Variants in ABHD17C observed in about 807,000 individuals in gnomAD.
The protein encoded by ABHD17C is abhydrolase domain containing 17C, depalmitoylase.
Under a neutral mutation model 27.9 loss-of-function variants are expected in ABHD17C, and 11 were observed. The observed-to-expected ratio is 0.39, with a 90% CI of 0.25 to 0.65. ABHD17C has a LOEUF of 0.65. ABHD17C is among the 30% of genes least tolerant of loss of function. The pLI, the probability that ABHD17C is intolerant of heterozygous loss-of-function variation, is 0.45. For missense variants in ABHD17C, 280 were observed against 470.2 expected (o/e 0.60, Z 3.74); for synonymous variants, 233 against 209.1 (o/e 1.11, Z -0.98).
Position 80,695,885 on chromosome 15 carries a change from C to T in ABHD17C, c.456C>T (p.Tyr152=), listed in dbSNP as rs747783328. ...AVDLGQMCSF[Y]IGLGSRINCN... is the part of the protein sequence containing the mutation. ...ACCTGGGCCAGATGTGCAGCTTCTA[C>T]ATTGGCCTCGGCTCCCGCATCAACT... The change falls in exon 1 of 3, where the codon TAC becomes TAT. Residue 152 remains tyrosine, a synonymous_variant. Transcript: ENST00000258884. This position sits in a 1 kb window ranked among gnomAD's most constrained non-coding sequence, Gnocchi z 4.3. 3.8e-6 allele frequency: 6 copies of T among 1,597,480 alleles called. No homozygotes were observed. Among genetic ancestry groups the T allele is most frequent in the Middle Eastern group, 1.7e-4 (1 of 6,044 alleles).
chr15:80,731,825 G>A (rs940959676), intron 1 of ABHD17C, among the ~76,000 whole-genome samples: 1 of 152,152 alleles, frequency 6.6e-6, no homozygotes, highest in Non-Finnish European at 1.5e-5. Flanking sequence ...ATGAGCATGA[G>A]CCAGATTTAG....
intron 1 of ABHD17C, among the ~76,000 whole-genome samples, chr15:80,705,638 G>A (rs1894637876): frequency 6.6e-6 from 1 of 152,140 alleles, no homozygotes; most frequent in South Asian, 2.1e-4. Context: ...TAAATCAGAA[G>A]GAGTGTTAAA....
At chr15:80,730,715 G>A (rs1001590117) in intron 1 of ABHD17C, among the ~76,000 whole-genome samples, 7 of 152,192 alleles carry the variant, frequency 4.6e-5, no homozygotes, top group African/African-American at 1.4e-4. Context: ...CAGAGTGCAC[G>A]ATTTTACAGG....
intron 1 of ABHD17C, among the ~76,000 whole-genome samples, chr15:80,714,818 C>T (rs1894781066): frequency 6.6e-6 from 1 of 152,136 alleles, no homozygotes; most frequent in Non-Finnish European, 1.5e-5. Context: ...CATAGTGTTA[C>T]TTAATATATT....
chr15:80,720,082 G>T (rs1304662148), intron 1 of ABHD17C, among the ~76,000 whole-genome samples: 1 of 152,240 alleles, frequency 6.6e-6, no homozygotes, highest in Non-Finnish European at 1.5e-5. Context: ...TTACAGGCGT[G>T]AGCTACCGCA....
chr15:80,696,091 T>G (rs2141485869), intron 1 of ABHD17C, 72 bp downstream of exon 1: 83 of 1,348,916 alleles, frequency 6.2e-5, no homozygotes, highest in Non-Finnish European at 6.6e-5. Context: ...TTGGGGCCCC[T>G]GGGGCGGCCT....
At chr15:80,714,369 C>T (rs900323489) in intron 1 of ABHD17C, among the ~76,000 whole-genome samples, 4 of 152,200 alleles carry the variant, frequency 2.6e-5, no homozygotes, top group East Asian at 1.9e-4. Context: ...TAATTTTAAT[C>T]GCCACCCATC....
At chr15:80,707,259 T>A (rs1030898622) in intron 1 of ABHD17C, among the ~76,000 whole-genome samples, 2 of 152,072 alleles carry the variant, frequency 1.3e-5, no homozygotes, top group Non-Finnish European at 2.9e-5. Context: ...TGGAAATGAT[T>A]TTTAGGGGAA....
At chr15:80,705,848 A>G (rs1168545763) in intron 1 of ABHD17C, among the ~76,000 whole-genome samples, 3 of 152,218 alleles carry the variant, frequency 2.0e-5, no homozygotes, top group East Asian at 1.9e-4. Flanking sequence ...ATAGCATTTC[A>G]TCTACCTAGG....
chr15:80,698,332 G>A (rs1490117317), intron 1 of ABHD17C, among the ~76,000 whole-genome samples: 1 of 151,996 alleles, frequency 6.6e-6, no homozygotes, highest in African/African-American at 2.4e-5. Flanking sequence ...CCAAAGTGCT[G>A]GGATTACAGG....
chr15:80,752,795 T>C (rs768908905), intron 2 of ABHD17C, among the ~76,000 whole-genome samples: 2 of 152,176 alleles, frequency 1.3e-5, no homozygotes, highest in African/African-American at 2.4e-5. Flanking sequence ...ATGACTGTTA[T>C]CCCGATCAGA....
intron 1 of ABHD17C, among the ~76,000 whole-genome samples, chr15:80,712,949 C>T (rs774036276): frequency 6.6e-6 from 1 of 152,150 alleles, no homozygotes; most frequent in Admixed American, 6.5e-5. Flanking sequence ...AAATTATATA[C>T]AATGTACAGA....
chr15:80,736,453 T>C (rs1057094476), intron 1 of ABHD17C, among the ~76,000 whole-genome samples: 2 of 152,240 alleles, frequency 1.3e-5, no homozygotes, highest in Non-Finnish European at 2.9e-5. Context: ...GACTGTGTTT[T>C]CTGGCTGGTC....
intron 1 of ABHD17C, among the ~76,000 whole-genome samples, chr15:80,707,562 GC>G (rs35340795): frequency 1.3e-5 from 2 of 150,758 alleles, no homozygotes; most frequent in South Asian, 2.1e-4. Flanking sequence ...TAGCTGATGA[GC>G]CCCCCCTCAA....
At chr15:80,707,451 T>C (rs1894662447) in intron 1 of ABHD17C, among the ~76,000 whole-genome samples, 1 of 152,154 alleles carries the variant, frequency 6.6e-6, no homozygotes, top group African/African-American at 2.4e-5. Flanking sequence ...TTTTCTTCTT[T>C]GGTGGATCTA....
chr15:80,715,950 AT>A (rs1261029524), intron 1 of ABHD17C, among the ~76,000 whole-genome samples: 1 of 152,200 alleles, frequency 6.6e-6, no homozygotes, highest in Non-Finnish European at 1.5e-5. Context: ...TTGAATTTTA[AT>A]TCTTACAGTA....
At chr15:80,751,959 G>A (rs1345375570) in intron 2 of ABHD17C, among the ~76,000 whole-genome samples, 3 of 152,184 alleles carry the variant, frequency 2.0e-5, no homozygotes, top group Non-Finnish European at 4.4e-5. Context: ...CTCCTTAAAG[G>A]AGGATACTTG....
At chr15:80,749,888 G>T (rs543927860) in intron 2 of ABHD17C, among the ~76,000 whole-genome samples, 196 bp downstream of exon 2, 264 of 152,334 alleles carry the variant, frequency 1.7e-3, no homozygotes, top group African/African-American at 6.2e-3. Context: ...TGACTCACTT[G>T]TGAAAATCTC....
At chr15:80,730,650 G>A (rs1416627673) in intron 1 of ABHD17C, among the ~76,000 whole-genome samples, 1 of 152,236 alleles carries the variant, frequency 6.6e-6, no homozygotes. Context: ...CCAAGGTTGA[G>A]AATGTGGATT....
Sources: gnomAD v4.1 joint callset for allele counts (sites outside exome capture counted in the v4.1 genomes callset) on GRCh38, gnomAD v4.1.1 for gene constraint, Gnocchi (gnomAD v3.1) non-coding constraint, MANE v1.5 for transcripts, NCBI Gene and HGNC (gene_info 2026-07-23, HGNC 2026-07-21) for gene names.